PRKAA2: variants seen among roughly 807,000 people sequenced by gnomAD.
The protein encoded by PRKAA2 is protein kinase AMP-activated catalytic subunit alpha 2, also known as 5'-AMP-activated protein kinase catalytic subunit alpha-2.
In PRKAA2, 40 loss-of-function variants were observed where a neutral mutation model predicts 56.3. The observed-to-expected ratio is 0.71, with a 90% CI of 0.55 to 0.92. The LOEUF is 0.92. Ranked by LOEUF, PRKAA2 falls within the 40% of genes least tolerant of loss-of-function variation. The pLI, the probability that PRKAA2 is intolerant of heterozygous loss-of-function variation, is 0.00. For synonymous variants in PRKAA2, 214 were observed against 234.2 expected (o/e 0.91, Z 0.79); for missense variants, 542 against 686.9 (o/e 0.79, Z 2.36).
intron 6 of PRKAA2, among the ~76,000 whole-genome samples, chr1:56,702,988 G>T (rs1038751261): frequency 6.6e-6 from 1 of 152,186 alleles, no homozygotes; most frequent in East Asian, 1.9e-4. Context: ...GTGAATAGAA[G>T]ACATTCAGTC....
In PRKAA2 at chr1:56,711,332, T is replaced by C. The variant is rs1644367653; in HGVS notation, c.*3619T>C. 1 of 152,168 alleles carries C rather than the reference T, an allele frequency of 6.6e-6. No homozygotes were observed. The highest frequency in any genetic ancestry group is 2.4e-5 in the African/African-American group (1 of 41,452). 9.4% of individuals were successfully genotyped at this position (152,168 alleles called of 1,614,324 possible). A position where few individuals can be genotyped will look rare whatever the true frequency, so the allele number is the denominator to read the frequency against. ...AATCATAAGCAACTATTGTAGATTT[T>C]TGATCTGTTTGGATTTATCTGTAGC... is the stretch of plus-strand genomic sequence containing the variant. On this transcript the variant is annotated 3_prime_UTR_variant, in exon 9 of 9. Coordinates refer to ENST00000371244, the MANE Select transcript of PRKAA2 (RefSeq NM_006252.4).
intron 6 of PRKAA2, among the ~76,000 whole-genome samples, chr1:56,698,875 A>C (rs543943857): frequency 2.0e-4 from 30 of 152,312 alleles, no homozygotes; most frequent in South Asian, 4.1e-4. Flanking sequence ...ATATAGTGGT[A>C]AACAAGATAG....
At chr1:56,702,272 G>A (rs188582100) in intron 6 of PRKAA2, among the ~76,000 whole-genome samples, 4 of 151,966 alleles carry the variant, frequency 2.6e-5, no homozygotes, top group Admixed American at 6.6e-5. Flanking sequence ...TAGTAGAGAC[G>A]GTGTTTCTCC....
chr1:56,659,941 A>G (rs1643981106), intron 1 of PRKAA2, among the ~76,000 whole-genome samples: 1 of 152,198 alleles, frequency 6.6e-6, no homozygotes, highest in Admixed American at 6.5e-5. Flanking sequence ...ACAGCATATC[A>G]CATAATTAAA....
rs1644341745 is a variant in PRKAA2 at position 56,707,688 on chromosome 1, G to A, written c.1634G>A (p.Ser545Asn). The change falls in exon 9 of 9, where the codon AGT (serine) becomes AAT (asparagine). Residue 545 changes from serine to asparagine, a missense_variant. Coordinates refer to ENST00000371244, the MANE Select transcript of PRKAA2 (RefSeq NM_006252.4). ...ATGGATTTTTTTGAAATGTGTGCCA[G>A]TCTGATTACTACTTTAGCCCGTTGA... ...HTMDFFEMCA[S>N]LITTLAR 2 of 1,605,114 alleles carry A rather than the reference G, an allele frequency of 1.2e-6. No individual in the cohort carries two copies. The highest frequency in any genetic ancestry group is 1.7e-6 in the Non-Finnish European group (2 of 1,171,940).
chr1:56,661,510 A>G (rs1643994376), intron 1 of PRKAA2, among the ~76,000 whole-genome samples: 3 of 152,092 alleles, frequency 2.0e-5, no homozygotes. Context: ...ATGTAGTTGT[A>G]ATTCATTCTC....
rs907875054 is a variant in PRKAA2 at position 56,692,279 on chromosome 1, G to A, written c.331-79G>A. On this transcript the variant is annotated intron_variant, in intron 3 of 8. Coordinates refer to ENST00000371244, the MANE Select transcript of PRKAA2 (RefSeq NM_006252.4). ...ACTCCTGACCTCAGGTAATCCACCT[G>A]CCTTGGCTGGGATTACAGGCATGAG... 2.6e-6 allele frequency: 4 copies of A among 1,550,552 alleles called. No individual in the cohort carries two copies. In the African/African-American group the frequency reaches 4.1e-5, roughly 16 times the overall value.
Position 56,704,068 on chromosome 1 carries a change from G to C in PRKAA2, c.886G>C (p.Val296Leu), listed in dbSNP as rs1402031954. ...CATTGATGATGAGGCTGTGAAAGAA[G>C]TGTGTGAAAAATTTGAATGTACAGA... ...NVIDDEAVKE[V>L]CEKFECTESE... Residue 296 changes from valine to leucine, a missense_variant, in exon 7 of 9, where the codon GTG becomes CTG. By Grantham distance (32) the Val-to-Leu change is conservative. Transcript: ENST00000371244. The C allele has an allele frequency of 6.2e-7, 1 of 1,614,174 alleles. No individual in the cohort carries two copies. Among genetic ancestry groups the C allele is most frequent in the Non-Finnish European group, 8.5e-7 (1 of 1,180,010 alleles).
At chr1:56,662,805 C>T (rs1211993179) in intron 1 of PRKAA2, among the ~76,000 whole-genome samples, 1 of 149,468 alleles carries the variant, frequency 6.7e-6, no homozygotes, top group African/African-American at 2.4e-5. Context: ...GGAGCCACAT[C>T]AGAACTGTAA....
intron 1 of PRKAA2, among the ~76,000 whole-genome samples, chr1:56,647,652 A>G (rs1557539310): frequency 6.6e-6 from 1 of 152,176 alleles, no homozygotes; most frequent in African/African-American, 2.4e-5. Flanking sequence ...TTCCTATCCA[A>G]GATTAGGATT....
chr1:56,669,159 A>AT (rs1245687665), intron 1 of PRKAA2, among the ~76,000 whole-genome samples: 1 of 152,126 alleles, frequency 6.6e-6, no homozygotes, highest in African/African-American at 2.4e-5. Flanking sequence ...TGGATGATGC[A>AT]TTAAGAGTGC....
intron 1 of PRKAA2, among the ~76,000 whole-genome samples, chr1:56,658,585 CTT>C (rs1491457396): frequency 1.0e-5 from 1 of 95,824 alleles, no homozygotes; most frequent in Admixed American, 1.3e-4. Context: ...TTTTTTTTTT[CTT>C]CCCCCCCCCC....
chr1:56,645,602 G>C, intron 1 of PRKAA2, 121 bp downstream of exon 1: 3 of 890,260 alleles, frequency 3.4e-6, no homozygotes, highest in Non-Finnish European at 4.4e-6. Context: ...AGCGGTCCCG[G>C]GTCGCGCGGA....
intron 5 of PRKAA2, among the ~76,000 whole-genome samples, chr1:56,694,953 A>G (rs562858611): frequency 6.6e-6 from 1 of 152,124 alleles, no homozygotes; most frequent in Admixed American, 6.5e-5. Flanking sequence ...GTATGGTAAT[A>G]TGCTATCATG....
chr1:56,649,968 G>A (rs915770958), intron 1 of PRKAA2, among the ~76,000 whole-genome samples: 4 of 152,098 alleles, frequency 2.6e-5, no homozygotes, highest in Admixed American at 6.5e-5. Context: ...GATGGTGCGC[G>A]CCTGTAATCC....
Position 56,674,283 on chromosome 1 carries a change from T to C in PRKAA2, c.95-98T>C, listed in dbSNP as rs1413263399. 4 of 1,019,542 alleles carry C rather than the reference T, an allele frequency of 3.9e-6. No homozygotes were observed. The Admixed American group carries it at 8.7e-5, about 22-fold the overall frequency. The allele number at this position is 1,019,542 out of a possible 1,614,324, so 63.2% of individuals were successfully genotyped here. On this transcript the variant is annotated intron_variant, in intron 1 of 8. Coordinates refer to ENST00000371244, the MANE Select transcript of PRKAA2 (RefSeq NM_006252.4). ...TACAACAAGGGATATAAAGATGGTA[T>C]ATATGAGTAGAGAAGTTTAGGGCAC...
Position 56,710,583 on chromosome 1 carries a change from GT to G in PRKAA2, c.*2872del, listed in dbSNP as rs1363463781. On this transcript the variant is annotated 3_prime_UTR_variant, in exon 9 of 9. Transcript: ENST00000371244. The stretch of plus-strand genomic sequence containing the variant: ...AACACTTCCATTTCTCTTACTGGTT[GT>G]TGGGAGAATCTGATTGAAAATTAGA... 6.6e-6 allele frequency: 1 copy of G among 152,106 alleles called. No individual in the cohort carries two copies. The highest frequency in any genetic ancestry group is 2.4e-5 in the African/African-American group (1 of 41,440). The allele number at this position is 152,106 out of a possible 1,614,324, so 9.4% of individuals were successfully genotyped here. A position where few individuals can be genotyped will look rare whatever the true frequency, so the allele number is the denominator to read the frequency against.
intron 1 of PRKAA2, among the ~76,000 whole-genome samples, chr1:56,647,246 G>A (rs528084650): frequency 5.9e-5 from 9 of 152,322 alleles, no homozygotes; most frequent in Admixed American, 2.0e-4. Context: ...TTGTCATTTA[G>A]TATTATTATT....
intron 1 of PRKAA2, among the ~76,000 whole-genome samples, chr1:56,659,257 G>A (rs1171704014): frequency 6.6e-6 from 1 of 151,668 alleles, no homozygotes; most frequent in East Asian, 2.0e-4. Flanking sequence ...CACTTAGGGA[G>A]GCCGAGGCAG....
Sources: gnomAD v4.1 joint callset for allele counts (sites outside exome capture counted in the v4.1 genomes callset) on GRCh38, gnomAD v4.1.1 for gene constraint, MANE v1.5 for transcripts, NCBI Gene and HGNC (gene_info 2026-07-23, HGNC 2026-07-21) for gene names.